The following ST6GALNAC3 variants were observed in gnomAD, a reference collection of about 807,000 sequenced individuals.
The protein encoded by ST6GALNAC3 is alpha-N-acetylgalactosaminide alpha-2,6-sialyltransferase 3.
A neutral mutation model predicts 32.7 loss-of-function variants in ST6GALNAC3; 25 were observed. The observed-to-expected ratio is 0.76, with a 90% CI of 0.56 to 1.07. ST6GALNAC3 has a LOEUF of 1.07. Ranked by LOEUF, ST6GALNAC3 falls within the 50% of genes least tolerant of loss-of-function variation. The pLI is 0.00. For missense variants in ST6GALNAC3, 355 were observed against 382.4 expected, an observed-to-expected ratio of 0.93 and a Z score of 0.60; for synonymous variants, 129 against 133.1, an observed-to-expected ratio of 0.97 and a Z score of 0.21.
intron 1 of ST6GALNAC3, among the ~76,000 whole-genome samples, chr1:76,269,150 T>C (rs1259365216): frequency 1.3e-5 from 2 of 152,184 alleles, no homozygotes; most frequent in East Asian, 3.8e-4. Context: ...TATATAATTG[T>C]GTGGTGGATA....
intron 2 of ST6GALNAC3, 86 bp downstream of exon 2, chr1:76,314,085 G>C: frequency 7.5e-7 from 1 of 1,325,420 alleles, no homozygotes; most frequent in Non-Finnish European, 1.0e-6. Flanking sequence ...CCAACTCACT[G>C]AACTTACTCT....
chr1:76,284,371 G>A (rs893428204), intron 1 of ST6GALNAC3, among the ~76,000 whole-genome samples: 14 of 152,230 alleles, frequency 9.2e-5, no homozygotes, highest in Admixed American at 9.2e-4. Context: ...TTTATGAGGG[G>A]CACATTGGAC....
intron 1 of ST6GALNAC3, among the ~76,000 whole-genome samples, chr1:76,135,564 A>T (rs1381802380): frequency 6.6e-6 from 1 of 152,202 alleles, no homozygotes; most frequent in Non-Finnish European, 1.5e-5. Flanking sequence ...CAAAGTCAAA[A>T]TTCATTGGAC....
chr1:76,327,213 G>A (rs1010524925), intron 2 of ST6GALNAC3, among the ~76,000 whole-genome samples: 3 of 151,064 alleles, frequency 2.0e-5, no homozygotes, highest in Non-Finnish European at 4.4e-5. Flanking sequence ...TTTTTTCATA[G>A]TGTGTATATT....
intron 2 of ST6GALNAC3, among the ~76,000 whole-genome samples, chr1:76,365,368 G>C (rs974112353): frequency 6.6e-6 from 1 of 152,100 alleles, no homozygotes; most frequent in Non-Finnish European, 1.5e-5. Context: ...ACTACCTCTT[G>C]GGTACAGTGT....
At chr1:76,382,371 A>G (rs902636442) in intron 2 of ST6GALNAC3, among the ~76,000 whole-genome samples, 1 of 152,200 alleles carries the variant, frequency 6.6e-6, no homozygotes, top group African/African-American at 2.4e-5. Context: ...TAGATATCAG[A>G]TTGATTATTT....
chr1:76,385,499 T>C (rs1021662003), intron 2 of ST6GALNAC3, among the ~76,000 whole-genome samples: 3 of 152,116 alleles, frequency 2.0e-5, no homozygotes, highest in African/African-American at 7.2e-5. Context: ...TTCTTCACTG[T>C]AATGTAGAGG....
chr1:76,598,322 C>T (rs1647170804), intron 3 of ST6GALNAC3, among the ~76,000 whole-genome samples: 1 of 152,146 alleles, frequency 6.6e-6, no homozygotes, highest in South Asian at 2.1e-4. Flanking sequence ...ATGGTGAATT[C>T]TTCCTGAGCA....
At chr1:76,089,298 G>T (rs1020599686) in intron 1 of ST6GALNAC3, among the ~76,000 whole-genome samples, 9 of 152,022 alleles carry the variant, frequency 5.9e-5, no homozygotes, top group Non-Finnish European at 7.3e-5. Flanking sequence ...TGATCTGCCC[G>T]CCTTGGCCTC....
At chr1:76,093,536 A>G (rs1367293224) in intron 1 of ST6GALNAC3, among the ~76,000 whole-genome samples, 6 of 152,230 alleles carry the variant, frequency 3.9e-5, no homozygotes, top group Non-Finnish European at 5.9e-5. Context: ...GTGGTCACGA[A>G]AGGAATCAGA....
intron 1 of ST6GALNAC3, among the ~76,000 whole-genome samples, chr1:76,116,335 A>G (rs1648475886): frequency 6.6e-6 from 1 of 152,158 alleles, no homozygotes; most frequent in Admixed American, 6.5e-5. Context: ...CACTTAAAAA[A>G]AGACATGTAG....
At position 76,482,553 on chromosome 1, in the gene ST6GALNAC3, C is replaced by T. The variant is rs540824728; in HGVS notation, c.623+70136C>T. On this transcript the variant is annotated intron_variant, in intron 3 of 4. Coordinates refer to ENST00000328299, the MANE Select transcript of ST6GALNAC3 (RefSeq NM_152996.4). ...TCCACAGGCATTGTTGCATTTAATACAACAATTTTTAACAATTTTTAATAA... is the reference window on the plus strand; with the variant it reads ...TCCACAGGCATTGTTGCATTTAATATAACAATTTTTAACAATTTTTAATAA... Among the ~76,000 whole-genome samples the T allele has an allele frequency of 9.3e-4, 141 of 152,224 alleles. 1 individual carries two copies. The highest frequency in any genetic ancestry group is 1.0e-3 in the South Asian group (5 of 4,826).
At chr1:76,548,581 T>C (rs1325263996) in intron 3 of ST6GALNAC3, among the ~76,000 whole-genome samples, 1 of 152,178 alleles carries the variant, frequency 6.6e-6, no homozygotes, top group Non-Finnish European at 1.5e-5. Context: ...TGTTGCTTTT[T>C]TCAGGAAGGA....
At chr1:76,254,379 T>A (rs774189009) in intron 1 of ST6GALNAC3, among the ~76,000 whole-genome samples, 12 of 152,146 alleles carry the variant, frequency 7.9e-5, no homozygotes, top group Non-Finnish European at 1.2e-4. Context: ...CATGCCGTGT[T>A]TTTGATTTCT....
intron 1 of ST6GALNAC3, among the ~76,000 whole-genome samples, chr1:76,287,292 C>T (rs1205420192): frequency 6.6e-6 from 1 of 151,866 alleles, no homozygotes. Flanking sequence ...TGCCCAACAT[C>T]ATTATGGCGA....
intron 3 of ST6GALNAC3, among the ~76,000 whole-genome samples, chr1:76,526,858 C>T (rs546071328): frequency 2.0e-5 from 3 of 152,084 alleles, no homozygotes; most frequent in South Asian, 2.1e-4. Context: ...TTATGATGTT[C>T]GGTCTTTAAT....
At chr1:76,355,647 C>T (rs1026409830) in intron 2 of ST6GALNAC3, among the ~76,000 whole-genome samples, 3 of 152,198 alleles carry the variant, frequency 2.0e-5, no homozygotes, top group Admixed American at 6.5e-5. Context: ...GTATCTATCA[C>T]CGATAGAGCC....
chr1:76,220,926 A>G (rs1428937090), intron 1 of ST6GALNAC3, among the ~76,000 whole-genome samples: 1 of 152,184 alleles, frequency 6.6e-6, no homozygotes, highest in African/African-American at 2.4e-5. Context: ...GCATAGTCTG[A>G]TATTTCCAAA....
intron 1 of ST6GALNAC3, among the ~76,000 whole-genome samples, chr1:76,201,070 A>G (rs540773939): frequency 6.6e-6 from 1 of 152,286 alleles, no homozygotes; most frequent in South Asian, 2.1e-4. Context: ...AAAAAGAAGG[A>G]AAAAAGGCCA....
Sources: allele counts gnomAD v4.1 joint callset (sites outside exome capture counted in the v4.1 genomes callset), GRCh38; gene constraint gnomAD v4.1.1; transcripts MANE v1.5; gene names NCBI Gene and HGNC (gene_info 2026-07-23, HGNC 2026-07-21).